AGAP1: variants seen among roughly 807,000 people sequenced by gnomAD.
AGAP1 encodes the protein arf-GAP with GTPase, ANK repeat and PH domain-containing protein 1.
AGAP1 carries 29 observed loss-of-function variants against 105.3 expected under a neutral mutation model. The ratio of observed to expected loss-of-function variants is 0.28; its 90% CI spans 0.21 to 0.38. The LOEUF is 0.38. AGAP1 is among the 10% of genes least tolerant of loss of function. The pLI, the probability that AGAP1 is intolerant of heterozygous loss-of-function variation, is 1.00. For synonymous variants in AGAP1, 509 were observed against 485.9 expected (o/e 1.05, Z -0.63); for missense variants, 998 against 1,165.1 (o/e 0.86, Z 2.09).
At chr2:235,499,655 G>T (rs1284576462) in intron 1 of AGAP1, among the ~76,000 whole-genome samples, 1 of 152,138 alleles carries the variant, frequency 6.6e-6, no homozygotes, top group African/African-American at 2.4e-5. Flanking sequence ...TTGAGATGCC[G>T]CCTTCTCTGC....
intron 1 of AGAP1, among the ~76,000 whole-genome samples, chr2:235,652,459 T>C (rs556302434): frequency 2.0e-4 from 31 of 152,200 alleles, no homozygotes; most frequent in African/African-American, 7.5e-4. Flanking sequence ...GGTGACAGCA[T>C]TGAGTCCATG....
chr2:235,698,591 G>C (rs932842847), intron 1 of AGAP1, among the ~76,000 whole-genome samples: 1 of 152,164 alleles, frequency 6.6e-6, no homozygotes, highest in Non-Finnish European at 1.5e-5. Flanking sequence ...GCATTCTCGA[G>C]ATCTGTTCAA....
intron 1 of AGAP1, among the ~76,000 whole-genome samples, chr2:235,591,921 C>T (rs752205539): frequency 6.6e-6 from 1 of 151,060 alleles, no homozygotes; most frequent in Non-Finnish European, 1.5e-5. Context: ...CTTCGTCTTC[C>T]CACATGATTG....
intron 12 of AGAP1, among the ~76,000 whole-genome samples, chr2:235,933,519 T>G (rs1253586260): frequency 6.7e-6 from 1 of 148,738 alleles, no homozygotes; most frequent in Non-Finnish European, 1.5e-5. Flanking sequence ...CTTGGTTGAT[T>G]CCTGTATTTT....
At chr2:235,803,742 A>G (rs1053746929) in intron 8 of AGAP1, among the ~76,000 whole-genome samples, 1 of 152,258 alleles carries the variant, frequency 6.6e-6, no homozygotes, top group African/African-American at 2.4e-5. Flanking sequence ...ACAAAAATAA[A>G]TGACTTTTTT....
At position 236,078,722 on chromosome 2, in the gene AGAP1, C is replaced by T. The variant is rs1212679535; in HGVS notation, c.2114+29441C>T. Among the ~76,000 whole-genome samples, 1 of 152,126 alleles carries T rather than the reference C, an allele frequency of 6.6e-6. No homozygotes were observed. Among genetic ancestry groups the T allele is most frequent in the Non-Finnish European group, 1.5e-5 (1 of 68,030 alleles). On this transcript the variant is annotated intron_variant, in intron 16 of 17. Coordinates refer to ENST00000304032, the MANE Select transcript of AGAP1 (RefSeq NM_001037131.3). The surrounding 1 kb of genome is among the most constrained non-coding windows in gnomAD (Gnocchi z 5.3). ...TCCTGTGGCTGGGTGCTAGATGGGA[C>T]CATGGGACCCAAGTCCACCCTCTGG...
intron 11 of AGAP1, among the ~76,000 whole-genome samples, chr2:235,912,971 T>C (rs1034656342): frequency 1.3e-5 from 2 of 152,228 alleles, no homozygotes; most frequent in African/African-American, 4.8e-5. Flanking sequence ...ATTTTTGCAC[T>C]AGGTTCTTTT....
In AGAP1 at chr2:235,965,231, G is replaced by A. The variant is rs538464274; in HGVS notation, c.1484-3231G>A. 4.6e-5 allele frequency among the ~76,000 whole-genome samples: 7 copies of A among 152,290 alleles called. No individual in the cohort carries two copies. The highest frequency in any genetic ancestry group is 2.6e-4 in the Admixed American group (4 of 15,300). ...GAGTGAGTGCTGTTTCTTGGGAGCC[G>A]GCTGCCGGGAAGAGAGGGTCAGGTA... On this transcript the variant is annotated intron_variant, in intron 12 of 17. Transcript: ENST00000304032. The surrounding 1 kb of genome is among the most constrained non-coding windows in gnomAD (Gnocchi z 5.8).
intron 16 of AGAP1, among the ~76,000 whole-genome samples, chr2:236,107,349 G>C (rs923416164): frequency 6.6e-6 from 1 of 152,206 alleles, no homozygotes; most frequent in African/African-American, 2.4e-5. Flanking sequence ...TGAGCTGACT[G>C]GGTTCACTAG....
rs1324663625 is a variant in AGAP1, at chr2:235,919,651, A to G, written c.1324+10745A>G. On this transcript the variant is annotated intron_variant, in intron 11 of 17. Transcript: ENST00000304032. This position sits in a 1 kb window ranked among gnomAD's most constrained non-coding sequence, Gnocchi z 4.1. Reference sequence around the variant, plus strand: ...AAGGGGACTGTAAAATTCAGAGATGACCGGGGAACGCTCCCCTCAAAACAG... The same window carrying G: ...AAGGGGACTGTAAAATTCAGAGATGGCCGGGGAACGCTCCCCTCAAAACAG... Among the ~76,000 whole-genome samples, 1 of 152,146 alleles carries G rather than the reference A, an allele frequency of 6.6e-6. No homozygotes were observed. The highest frequency in any genetic ancestry group is 1.5e-5 in the Non-Finnish European group (1 of 68,024).
At chr2:235,755,454 C>T (rs1953846537) in intron 6 of AGAP1, among the ~76,000 whole-genome samples, 1 of 152,140 alleles carries the variant, frequency 6.6e-6, no homozygotes, top group Admixed American at 6.5e-5. Context: ...CTTCCCCTTC[C>T]CTTTTTTCGA....
At position 235,494,639 on chromosome 2, in the gene AGAP1, G is replaced by GGGCGGC. The variant is rs1224063837; in HGVS notation, c.-39_-34dup. The stretch of plus-strand genomic sequence containing the variant: ...GGCGGCCCGCGGGCCCCGGGGCGCG[G>GGGCGGC]GGCGGCGGCGGCGGGGGGCGCGCGG... On this transcript the variant is annotated 5_prime_UTR_variant, in exon 1 of 18. Coordinates refer to ENST00000304032, the MANE Select transcript of AGAP1 (RefSeq NM_001037131.3). The GGGCGGC allele has an allele frequency of 2.0e-6, 2 of 977,258 alleles. No homozygotes were observed. The highest frequency in any genetic ancestry group is 6.4e-5 in the Admixed American group (1 of 15,642). 60.5% of individuals were successfully genotyped at this position (977,258 alleles called of 1,614,324 possible).
At chr2:236,063,576 A>G (rs1300419724) in intron 16 of AGAP1, among the ~76,000 whole-genome samples, 1 of 152,242 alleles carries the variant, frequency 6.6e-6, no homozygotes, top group Non-Finnish European at 1.5e-5. Context: ...AAAGTTGCAC[A>G]CATTTGTGCT....
intron 1 of AGAP1, among the ~76,000 whole-genome samples, chr2:235,515,230 G>A (rs1042514758): frequency 6.6e-6 from 1 of 152,086 alleles, no homozygotes; most frequent in African/African-American, 2.4e-5. Flanking sequence ...CGAAGGATGT[G>A]GGGGTGGCTT....
rs1946909246 is a variant in AGAP1, at chr2:235,633,911, G to A, written c.164-75268G>A. ...GGGGCAAGAGATCAGGAGAGCAGGAGAAGCTCAGAGAGAAACTTGGCTGCA... is the reference window on the plus strand; with the variant it reads ...GGGGCAAGAGATCAGGAGAGCAGGAAAAGCTCAGAGAGAAACTTGGCTGCA... On this transcript the variant is annotated intron_variant, in intron 1 of 17. Transcript: ENST00000304032. This position sits in a 1 kb window ranked among gnomAD's most constrained non-coding sequence, Gnocchi z 4.8. Among the ~76,000 whole-genome samples the A allele has an allele frequency of 6.6e-6, 1 of 152,182 alleles. No individual in the cohort carries two copies. The highest frequency in any genetic ancestry group is 2.1e-4 in the South Asian group (1 of 4,828).
chr2:235,790,809 T>G (rs1171512261), intron 6 of AGAP1, among the ~76,000 whole-genome samples: 3 of 152,202 alleles, frequency 2.0e-5, no homozygotes, highest in African/African-American at 4.8e-5. Flanking sequence ...CAGCATGGCC[T>G]CAAGCATTTC....
intron 8 of AGAP1, among the ~76,000 whole-genome samples, chr2:235,805,573 C>T (rs1575513881): frequency 6.6e-6 from 1 of 151,834 alleles, no homozygotes; most frequent in Non-Finnish European, 1.5e-5. Flanking sequence ...TTAATGTTAT[C>T]ACTGTGTGCT....
intron 13 of AGAP1, among the ~76,000 whole-genome samples, chr2:235,996,605 G>T (rs2055826384): frequency 6.6e-6 from 1 of 152,190 alleles, no homozygotes; most frequent in Non-Finnish European, 1.5e-5. Flanking sequence ...CCAGCTGGCT[G>T]CCCCCGGGGA....
At position 235,692,058 on chromosome 2, in the gene AGAP1, G is replaced by A. The variant is rs1038755539; in HGVS notation, c.164-17121G>A. Reference sequence around the variant, plus strand: ...GACTATAAAGTTTTCTCAAGAGGATGTAAACCAAGTAAACAAAATAAATTC... The same window carrying A: ...GACTATAAAGTTTTCTCAAGAGGATATAAACCAAGTAAACAAAATAAATTC... On this transcript the variant is annotated intron_variant, in intron 1 of 17. Transcript: ENST00000304032. This position sits in a 1 kb window ranked among gnomAD's most constrained non-coding sequence, Gnocchi z 5.8. Among the ~76,000 whole-genome samples the A allele has an allele frequency of 3.7e-4, 57 of 152,332 alleles. No individual in the cohort carries two copies. Among genetic ancestry groups the A allele is most frequent in the Admixed American group, 2.7e-3 (41 of 15,302 alleles).
Sources: gnomAD v4.1 joint callset for allele counts (sites outside exome capture counted in the v4.1 genomes callset) on GRCh38, gnomAD v4.1.1 for gene constraint, Gnocchi (gnomAD v3.1) non-coding constraint, MANE v1.5 for transcripts, NCBI Gene and HGNC (gene_info 2026-07-23, HGNC 2026-07-21) for gene names.